The following ZRANB3 variants were observed in gnomAD, a reference collection of about 807,000 sequenced individuals.
ZRANB3 encodes DNA annealing helicase and endonuclease ZRANB3.
In ZRANB3, 125 loss-of-function variants were observed where a neutral mutation model predicts 133.8. The ratio of observed to expected loss-of-function variants is 0.93; its 90% confidence interval spans 0.81 to 1.08. The LOEUF (loss-of-function observed/expected upper bound fraction) is 1.08. ZRANB3 is among the 50% of genes least tolerant of loss of function. ZRANB3 has a pLI of 0.00. For missense variants in ZRANB3, 1,229 were observed against 1,275.5 expected, an observed-to-expected ratio of 0.96 and a Z score of 0.56; for synonymous variants, 387 against 432.7, an observed-to-expected ratio of 0.89 and a Z score of 1.31.
chr2:135,321,840 T>C (rs1228029100), intron 6 of ZRANB3, among the ~76,000 whole-genome samples: 1 of 152,202 alleles, frequency 6.6e-6, no homozygotes, highest in African/African-American at 2.4e-5. Context: ...TATATATTCC[T>C]TTATCAAATA....
chr2:135,392,767 A>G (rs1687300642), intron 2 of ZRANB3, among the ~76,000 whole-genome samples: 1 of 152,170 alleles, frequency 6.6e-6, no homozygotes, highest in South Asian at 2.1e-4. Context: ...AACAACAACA[A>G]CAACAACAAA....
At chr2:135,348,465 G>A (rs1028826591) in intron 5 of ZRANB3, among the ~76,000 whole-genome samples, 3 of 152,126 alleles carry the variant, frequency 2.0e-5, no homozygotes, top group African/African-American at 7.2e-5. Flanking sequence ...AGAGTGAAAA[G>A]TACTGACATG....
At chr2:135,221,303 A>G (rs896955461) in intron 15 of ZRANB3, among the ~76,000 whole-genome samples, 3 of 152,168 alleles carry the variant, frequency 2.0e-5, no homozygotes, top group Non-Finnish European at 4.4e-5. Context: ...AGGGACATGT[A>G]AGTATTTAGA....
At chr2:135,430,446 A>C (rs76651099) in intron 2 of ZRANB3, among the ~76,000 whole-genome samples, 4 of 151,874 alleles carry the variant, frequency 2.6e-5, no homozygotes, top group Admixed American at 6.6e-5. Flanking sequence ...AAAAAAAAAA[A>C]CCCAAACACA....
chr2:135,511,463 C>T (rs1693448132), intron 1 of ZRANB3: 1 of 841,464 alleles, frequency 1.2e-6, no homozygotes, highest in South Asian at 1.3e-5. Flanking sequence ...GAGGTGTTTG[C>T]TGTCTTTTCT....
chr2:135,252,016 A>T (rs1679425279), intron 12 of ZRANB3, among the ~76,000 whole-genome samples: 1 of 152,256 alleles, frequency 6.6e-6, no homozygotes, highest in Non-Finnish European at 1.5e-5. Flanking sequence ...GCCTGGCGAC[A>T]GAGCAGGATT....
intron 12 of ZRANB3, among the ~76,000 whole-genome samples, chr2:135,246,026 C>CG: frequency 8.1e-6 from 1 of 122,766 alleles, no homozygotes; most frequent in Non-Finnish European, 1.7e-5. Flanking sequence ...CTTTTCTTTT[C>CG]TTTTCTTTCT....
At chr2:135,260,344 C>T (rs1286817841) in intron 12 of ZRANB3, among the ~76,000 whole-genome samples, 1 of 152,132 alleles carries the variant, frequency 6.6e-6, no homozygotes, top group Non-Finnish European at 1.5e-5. Context: ...GGCAAGACTG[C>T]TTACTTATGG....
At chr2:135,300,884 T>G (rs1387080429) in intron 8 of ZRANB3, among the ~76,000 whole-genome samples, 1 of 152,222 alleles carries the variant, frequency 6.6e-6, no homozygotes, top group Non-Finnish European at 1.5e-5. Flanking sequence ...CTGATTATTG[T>G]ACTCCAATCC....
chr2:135,374,361 A>G (rs996136221), intron 3 of ZRANB3, among the ~76,000 whole-genome samples: 1 of 152,100 alleles, frequency 6.6e-6, no homozygotes, highest in Non-Finnish European at 1.5e-5. Context: ...AGCTGAGATC[A>G]CGCCACTACA....
intron 12 of ZRANB3, among the ~76,000 whole-genome samples, chr2:135,245,261 G>A (rs1032431076): frequency 2.6e-5 from 4 of 152,174 alleles, no homozygotes; most frequent in Non-Finnish European, 5.9e-5. Context: ...TGAGAAACCT[G>A]ATCCATGTCA....
chr2:135,229,785 T>C (rs1390947136), intron 13 of ZRANB3, among the ~76,000 whole-genome samples: 2 of 152,178 alleles, frequency 1.3e-5, no homozygotes, highest in Non-Finnish European at 2.9e-5. Flanking sequence ...TTTTTATTAC[T>C]ATAAAAATGC....
At chr2:135,264,195 G>A (rs752301840) in intron 12 of ZRANB3, among the ~76,000 whole-genome samples, 7 of 151,536 alleles carry the variant, frequency 4.6e-5, no homozygotes, top group Admixed American at 6.6e-5. Flanking sequence ...ATTTCAGGCC[G>A]GGCGCGGTGG....
At position 135,504,483 on chromosome 2, in the gene ZRANB3, T is replaced by A; in HGVS notation, c.7A>T (p.Arg3Trp). MP[R>W]VHNIKKSLTP... ...AGAGACTTTTTTATGTTATGAACCC[T>A]AGGCATGATGATCCTAAAAACAAAG... The change falls in exon 2 of 21, where the codon AGG becomes TGG. Residue 3 changes from arginine (R) to tryptophan (W), a missense_variant. Arg to Trp is a moderately radical substitution (Grantham distance 101). Coordinates refer to ENST00000264159, the MANE Select transcript of ZRANB3 (RefSeq NM_032143.4). 1 of 1,607,418 alleles carries A rather than the reference T, an allele frequency of 6.2e-7. No homozygotes were observed. Among genetic ancestry groups the A allele is most frequent in the Non-Finnish European group, 8.5e-7 (1 of 1,177,898 alleles).
intron 8 of ZRANB3, among the ~76,000 whole-genome samples, chr2:135,304,151 T>C (rs2104812158): frequency 6.6e-6 from 1 of 152,192 alleles, no homozygotes; most frequent in East Asian, 1.9e-4. Context: ...AGGGAAGTGA[T>C]GAGGAAAGGC....
intron 10 of ZRANB3, among the ~76,000 whole-genome samples, chr2:135,270,615 G>C (rs1680468345): frequency 1.3e-5 from 2 of 152,254 alleles, no homozygotes; most frequent in African/African-American, 2.4e-5. Context: ...CAGTCTAACA[G>C]ATAAATAACT....
At chr2:135,230,951 T>C (rs1467488522) in intron 12 of ZRANB3, 24 bp from the exon 13 acceptor site, 2 of 1,518,992 alleles carry the variant, frequency 1.3e-6, no homozygotes, top group African/African-American at 2.8e-5. Flanking sequence ...ACAGTAGTTA[T>C]CAAAGTAAGA....
chr2:135,313,993 T>C (rs1446966619), intron 7 of ZRANB3, among the ~76,000 whole-genome samples: 30 of 152,196 alleles, frequency 2.0e-4, no homozygotes, highest in Non-Finnish European at 2.9e-5. Flanking sequence ...GCCTCCCAAG[T>C]AGCTTGGATT....
At chr2:135,230,480 C>T in intron 13 of ZRANB3, 33 bp downstream of exon 13, 1 of 1,466,302 alleles carries the variant, frequency 6.8e-7, no homozygotes, top group Non-Finnish European at 9.0e-7. Flanking sequence ...CACTAACAGC[C>T]CTTACCTCCA....
Sources: gnomAD v4.1 joint callset for allele counts (sites outside exome capture counted in the v4.1 genomes callset) on GRCh38, gnomAD v4.1.1 for gene constraint, MANE v1.5 for transcripts, NCBI Gene and HGNC (gene_info 2026-07-23, HGNC 2026-07-21) for gene names.